Variants in BCAR3 observed in about 807,000 individuals in gnomAD.
The protein encoded by BCAR3 is breast cancer anti-estrogen resistance protein 3.
Under a neutral mutation model 80.1 loss-of-function variants are expected in BCAR3, and 37 were observed. The observed-to-expected ratio is 0.46, with a 90% CI of 0.36 to 0.61. The LOEUF (loss-of-function observed/expected upper bound fraction) is 0.61, where lower values mean the gene tolerates loss of function less well. BCAR3 is among the 20% of genes least tolerant of loss of function. BCAR3 has a pLI of 0.00. For synonymous variants in BCAR3, 389 were observed against 418.9 expected (o/e 0.93, Z 0.87); for missense variants, 978 against 1,068.2 (o/e 0.92, Z 1.18).
chr1:93,641,216 T>A (rs1031943165), intron 3 of BCAR3, among the ~76,000 whole-genome samples: 2 of 152,286 alleles, frequency 1.3e-5, no homozygotes. Flanking sequence ...CCGCCCCAAG[T>A]GGCCAAGTGG....
intron 3 of BCAR3, among the ~76,000 whole-genome samples, chr1:93,610,920 CAA>C (rs11396715): frequency 2.2e-5 from 3 of 139,502 alleles, no homozygotes. Flanking sequence ...AACTACGTCT[CAA>C]AAAAAAAAAA....
At chr1:93,751,404 C>CT (rs748117579) in intron 2 of BCAR3, among the ~76,000 whole-genome samples, 3 of 152,062 alleles carry the variant, frequency 2.0e-5, no homozygotes, top group Non-Finnish European at 4.4e-5. Context: ...CTACAATACC[C>CT]TTTTTTCAAG....
At chr1:93,657,090 G>T (rs1477184009) in intron 2 of BCAR3, among the ~76,000 whole-genome samples, 1 of 152,134 alleles carries the variant, frequency 6.6e-6, no homozygotes, top group Non-Finnish European at 1.5e-5. Context: ...CAGACACTTT[G>T]ATTTCTCTAT....
intron 3 of BCAR3, among the ~76,000 whole-genome samples, chr1:93,638,825 A>C (rs1387586177): frequency 1.3e-5 from 2 of 152,220 alleles, no homozygotes; most frequent in Admixed American, 6.5e-5. Context: ...AAACCAAACT[A>C]TCAAGATGAT....
intron 2 of BCAR3, among the ~76,000 whole-genome samples, chr1:93,757,777 G>T (rs1280734434): frequency 2.6e-5 from 4 of 152,206 alleles, no homozygotes; most frequent in South Asian, 2.1e-4. Flanking sequence ...GAATGCACAT[G>T]CTGGCCTCTG....
intron 5 of BCAR3, 100 bp downstream of exon 5, chr1:93,588,877 A>G: frequency 7.7e-7 from 1 of 1,291,468 alleles, no homozygotes; most frequent in South Asian, 1.5e-5. Flanking sequence ...TCCTATTAAC[A>G]TCTTTTATTT....
intron 2 of BCAR3, among the ~76,000 whole-genome samples, chr1:93,652,927 TGTTTA>T (rs1485307793): frequency 2.6e-4 from 40 of 152,232 alleles, no homozygotes; most frequent in African/African-American, 9.6e-4. Flanking sequence ...ACTTTAGAAA[TGTTTA>T]GTTGAGTCGC....
chr1:93,612,105 T>C (rs956926071), intron 3 of BCAR3, among the ~76,000 whole-genome samples: 1 of 151,896 alleles, frequency 6.6e-6, no homozygotes, highest in African/African-American at 2.4e-5. Context: ...ACTGGCAGGA[T>C]GGGGGATTAA....
chr1:93,696,566 C>T (rs1247740805), intron 3 of BCAR3, among the ~76,000 whole-genome samples: 2 of 152,170 alleles, frequency 1.3e-5, no homozygotes, highest in Non-Finnish European at 2.9e-5. Flanking sequence ...CTCCCTCCCT[C>T]CCATCCTGCC....
At chr1:93,723,688 G>A (rs1394702374) in intron 2 of BCAR3, among the ~76,000 whole-genome samples, 1 of 152,120 alleles carries the variant, frequency 6.6e-6, no homozygotes, top group African/African-American at 2.4e-5. Flanking sequence ...TTGTTCTTGA[G>A]GACTGAATGA....
intron 2 of BCAR3, among the ~76,000 whole-genome samples, chr1:93,767,432 GA>G (rs1214189865): frequency 6.6e-6 from 1 of 151,770 alleles, no homozygotes; most frequent in African/African-American, 2.4e-5. Context: ...ACTGAGGTGG[GA>G]GGATCACTTG....
chr1:93,607,881 C>T (rs1674822988), intron 3 of BCAR3, among the ~76,000 whole-genome samples: 1 of 152,190 alleles, frequency 6.6e-6, no homozygotes. Flanking sequence ...GCTTGTATCT[C>T]CATCCGCCCA....
intron 2 of BCAR3, among the ~76,000 whole-genome samples, chr1:93,763,802 A>G (rs1013482086): frequency 3.9e-5 from 6 of 152,110 alleles, no homozygotes; most frequent in South Asian, 2.1e-4. Flanking sequence ...GCATTTGCCA[A>G]CCTCCATGGT....
At position 93,562,313 on chromosome 1, in the gene BCAR3, C is replaced by T; in HGVS notation, c.2406G>A (p.Glu802=). 6.2e-7 allele frequency: 1 copy of T among 1,614,138 alleles called. No homozygotes were observed. Among genetic ancestry groups the T allele is most frequent in the Non-Finnish European group, 8.5e-7 (1 of 1,180,012 alleles). ...GAQVNQTERY[E]KFNQILTALS... The stretch of plus-strand genomic sequence containing the variant: ...GGGCAGTTAAAATCTGGTTGAATTT[C>T]TCATATCTCTCTGTCTGATTGACTT... The change falls in exon 12 of 12, where the codon GAG becomes GAA. Residue 802 remains glutamate, a synonymous_variant. Transcript: ENST00000260502.
rs1227969371 is a variant in BCAR3 at position 93,674,913 on chromosome 1, A to C, written c.18T>G (p.Phe6Leu). Residue 6 changes from phenylalanine (F) to leucine (L), a missense_variant, in exon 2 of 12, where the codon TTT (phenylalanine) becomes TTG (leucine). By Grantham distance (22) the Phe-to-Leu change is conservative (BLOSUM62 0). Coordinates refer to ENST00000260502, the MANE Select transcript of BCAR3 (RefSeq NM_003567.4). MAAGK[F>L]ASLPRNMPVN... ...CCGGCATGTTTCTGGGAAGGCTTGC[A>C]AATTTTCCTGCAGCCATAATTCTCA... 1 of 1,560,954 alleles carries C rather than the reference A, an allele frequency of 6.4e-7. No individual in the cohort carries two copies. The highest frequency in any genetic ancestry group is 8.6e-7 in the Non-Finnish European group (1 of 1,160,524).
intron 2 of BCAR3, among the ~76,000 whole-genome samples, chr1:93,789,769 CT>C (rs894957820): frequency 4.6e-5 from 7 of 152,198 alleles, no homozygotes; most frequent in Admixed American, 4.6e-4. Context: ...GCCAAAGCCC[CT>C]TGTTTTATGC....
intron 2 of BCAR3, among the ~76,000 whole-genome samples, chr1:93,801,650 G>A (rs1366315200): frequency 6.6e-6 from 1 of 152,228 alleles, no homozygotes; most frequent in East Asian, 1.9e-4. Flanking sequence ...TTGGTCTGCA[G>A]CTGTTTGTTT....
chr1:93,728,095 A>G (rs1650655250), intron 2 of BCAR3, among the ~76,000 whole-genome samples: 1 of 152,254 alleles, frequency 6.6e-6, no homozygotes, highest in African/African-American at 2.4e-5. Flanking sequence ...GTGTATCCCC[A>G]CTGACACTTT....
At chr1:93,737,333 T>C (rs1288289067) in intron 2 of BCAR3, among the ~76,000 whole-genome samples, 2 of 152,174 alleles carry the variant, frequency 1.3e-5, no homozygotes, top group African/African-American at 4.8e-5. Context: ...TTAGTTACGA[T>C]GAGGACATAG....
Sources: allele counts gnomAD v4.1 joint callset (sites outside exome capture counted in the v4.1 genomes callset), GRCh38; gene constraint gnomAD v4.1.1; transcripts MANE v1.5; gene names NCBI Gene and HGNC (gene_info 2026-07-23, HGNC 2026-07-21).